ZNF536: variants seen among roughly 807,000 people sequenced by gnomAD.
ZNF536 encodes zinc finger protein 536.
Under a neutral mutation model 84.5 loss-of-function variants are expected in ZNF536, and 13 were observed. The ratio of observed to expected loss-of-function variants is 0.15; its 90% CI spans 0.10 to 0.24. ZNF536 has a LOEUF of 0.24. Ranked by LOEUF, ZNF536 falls within the 10% of genes least tolerant of loss-of-function variation. The pLI, the probability that ZNF536 is intolerant of heterozygous loss-of-function variation, is 1.00. For synonymous variants in ZNF536, 811 were observed against 742.5 expected (o/e 1.09, Z -1.50); for missense variants, 1,536 against 1,747.5 (o/e 0.88, Z 2.16).
chr19:30,454,770 C>T (rs1390640844), intron 2 of ZNF536, among the ~76,000 whole-genome samples: 2 of 152,140 alleles, frequency 1.3e-5, no homozygotes, highest in African/African-American at 4.8e-5. Context: ...TGGTGGCTCA[C>T]TCCTGTAATC....
At chr19:30,345,037 T>C (rs943015344) in intron 2 of ZNF536, among the ~76,000 whole-genome samples, 2 of 152,242 alleles carry the variant, frequency 1.3e-5, no homozygotes, top group Non-Finnish European at 2.9e-5. Context: ...CAATAGCAGC[T>C]ACTAACTCGG....
rs577090616 is a variant in ZNF536, at chr19:30,586,035, A to G, written c.169+36521A>G. Among the ~76,000 whole-genome samples, 10 of 151,862 alleles carry G rather than the reference A, an allele frequency of 6.6e-5. No homozygotes were observed. In the South Asian group the frequency reaches 1.7e-3, roughly 25 times the overall value. On this transcript the variant is annotated intron_variant, in intron 1 of 1. Coordinates refer to the ZNF536 transcript ENST00000592773. Reference sequence around the variant, plus strand: ...TCTATATACTTCCTCTAATCCCCCAATCACCCCTGCCCTCCTGGAGCTTAC... The same window carrying G: ...TCTATATACTTCCTCTAATCCCCCAGTCACCCCTGCCCTCCTGGAGCTTAC...
intron 1 of ZNF536, among the ~76,000 whole-genome samples, chr19:30,391,744 A>G (rs2049599404): frequency 6.6e-6 from 1 of 152,162 alleles, no homozygotes; most frequent in Admixed American, 6.5e-5. Context: ...AAAAAGAAAA[A>G]CATGCTTTCA....
chr19:30,539,109 G>A (rs905479506), intron 3 of ZNF536, among the ~76,000 whole-genome samples: 9 of 150,340 alleles, frequency 6.0e-5, no homozygotes, highest in African/African-American at 2.2e-4. Flanking sequence ...AAAAGAAAAG[G>A]AGATATGCAC....
chr19:30,241,959 A>G (rs566640542), intron 1 of ZNF536, among the ~76,000 whole-genome samples: 16 of 152,126 alleles, frequency 1.1e-4, no homozygotes, highest in Admixed American at 3.3e-4. Context: ...GGAATGGCCT[A>G]TGCAAAGGCC....
intron 3 of ZNF536, among the ~76,000 whole-genome samples, chr19:30,364,381 G>T (rs2048362060): frequency 6.6e-6 from 1 of 152,118 alleles, no homozygotes; most frequent in Non-Finnish European, 1.5e-5. Flanking sequence ...ACAAAAATTA[G>T]CTGGGCATGG....
chr19:30,603,710 G>C (rs568763221), intron 1 of ZNF536, among the ~76,000 whole-genome samples: 1 of 152,220 alleles, frequency 6.6e-6, no homozygotes, highest in East Asian at 1.9e-4. Flanking sequence ...AAACAATGTG[G>C]TACACAGTAA....
chr19:30,330,070 C>T (rs2047160609), intron 2 of ZNF536, among the ~76,000 whole-genome samples: 1 of 152,146 alleles, frequency 6.6e-6, no homozygotes, highest in South Asian at 2.1e-4. Context: ...ATAAATACTA[C>T]TTTGGTCCTA....
chr19:30,693,643 C>T (rs982044110), intron 1 of ZNF536, among the ~76,000 whole-genome samples: 2 of 151,970 alleles, frequency 1.3e-5, no homozygotes, highest in East Asian at 1.9e-4. Flanking sequence ...TTATGTCTGC[C>T]ACGTGACATT....
At chr19:30,592,710 C>A (rs2047316980) in intron 1 of ZNF536, among the ~76,000 whole-genome samples, 1 of 150,500 alleles carries the variant, frequency 6.6e-6, no homozygotes, top group Non-Finnish European at 1.5e-5. Context: ...TTTTTCTAAG[C>A]CCAAAGATTA....
intron 2 of ZNF536, among the ~76,000 whole-genome samples, chr19:30,307,602 C>T (rs2146032046): frequency 1.3e-5 from 2 of 152,160 alleles, no homozygotes; most frequent in Admixed American, 1.3e-4. Flanking sequence ...TGCTGAGAGC[C>T]CCTTCTCCTG....
upstream of ZNF536, among the ~76,000 whole-genome samples, chr19:30,367,988 T>C (rs1458480640): frequency 6.6e-6 from 1 of 152,176 alleles, no homozygotes; most frequent in Middle Eastern, 3.2e-3. Context: ...GACCACCATC[T>C]CCCACCCTGT....
intron 1 of ZNF536, among the ~76,000 whole-genome samples, chr19:30,266,462 C>T (rs1361435294): frequency 6.6e-6 from 1 of 152,150 alleles, no homozygotes; most frequent in Non-Finnish European, 1.5e-5. Flanking sequence ...GGTGGCTTCC[C>T]CAAGGGAACG....
chr19:30,240,651 G>A (rs753976716), intron 1 of ZNF536, among the ~76,000 whole-genome samples: 6 of 152,322 alleles, frequency 3.9e-5, no homozygotes, highest in Middle Eastern at 3.4e-3. Flanking sequence ...AAGAACCCCC[G>A]AGCAGCTGGG....
At chr19:30,571,940 T>C (rs2046562841) in intron 1 of ZNF536, among the ~76,000 whole-genome samples, 1 of 152,162 alleles carries the variant, frequency 6.6e-6, no homozygotes, top group Non-Finnish European at 1.5e-5. Context: ...AGGGGTGGTC[T>C]TGTTTTCACG....
intron 1 of ZNF536, among the ~76,000 whole-genome samples, chr19:30,702,853 C>T (rs971639515): frequency 6.6e-5 from 10 of 152,174 alleles, no homozygotes; most frequent in African/African-American, 1.4e-4. Flanking sequence ...TGCCAAGCAC[C>T]GTGCTGGGTG....
chr19:30,662,159 G>T (rs2050143865), intron 1 of ZNF536, among the ~76,000 whole-genome samples: 1 of 152,180 alleles, frequency 6.6e-6, no homozygotes, highest in Non-Finnish European at 1.5e-5. Context: ...CCCGGATGGA[G>T]ACAATGCTGA....
chr19:30,665,041 G>A (rs2050266053), intron 1 of ZNF536, among the ~76,000 whole-genome samples: 1 of 152,246 alleles, frequency 6.6e-6, no homozygotes, highest in African/African-American at 2.4e-5. Context: ...TTAAAAGAAA[G>A]TTTAAAAATG....
intron 1 of ZNF536, among the ~76,000 whole-genome samples, chr19:30,668,245 G>C (rs1242267917): frequency 6.6e-6 from 1 of 152,132 alleles, no homozygotes; most frequent in Non-Finnish European, 1.5e-5. Context: ...ACACCATGTA[G>C]AGATTCCACA....
Sources: gnomAD v4.1 joint callset for allele counts (sites outside exome capture counted in the v4.1 genomes callset) on GRCh38, gnomAD v4.1.1 for gene constraint, MANE v1.5 for transcripts, NCBI Gene and HGNC (gene_info 2026-07-23, HGNC 2026-07-21) for gene names.